ELP2: variants seen among roughly 807,000 people sequenced by gnomAD.
ELP2 encodes the protein elongator acetyltransferase complex subunit 2, also known as elongator complex protein 2.
ELP2 carries 90 observed loss-of-function variants against 119.2 expected under a neutral mutation model. That is an observed-to-expected ratio of 0.75 (90% CI 0.64 to 0.90). The LOEUF (loss-of-function observed/expected upper bound fraction) is 0.90, where lower values mean the gene tolerates loss of function less well. Ranked by LOEUF, ELP2 falls within the 40% of genes least tolerant of loss-of-function variation. The pLI is 0.00. For synonymous variants in ELP2, 339 were observed against 331.0 expected, an observed-to-expected ratio of 1.02 and a Z score of -0.26; for missense variants, 921 against 967.8, an observed-to-expected ratio of 0.95 and a Z score of 0.64.
At chr18:36,164,444 C>T (rs1359338584) in intron 17 of ELP2, 31 bp from the exon 18 acceptor site, 6 of 1,581,994 alleles carry the variant, frequency 3.8e-6, no homozygotes, top group South Asian at 1.1e-5. Context: ...TTTTTACTTA[C>T]TAGCTTCATT....
intron 19 of ELP2, among the ~76,000 whole-genome samples, chr18:36,168,346 C>T (rs1406644352): frequency 6.6e-6 from 1 of 152,212 alleles, no homozygotes; most frequent in Non-Finnish European, 1.5e-5. Flanking sequence ...TTTTGTCCCC[C>T]ACAGTCATAC....
chr18:36,146,474 AGTAGAGGCACT>A, intron 11 of ELP2, 93 bp downstream of exon 11: 1 of 1,373,034 alleles, frequency 7.3e-7, no homozygotes, highest in Non-Finnish European at 1.0e-6. Flanking sequence ...ACAGAAACAT[AGTAGAGGCACT>A]TGAAGTTCAA....
rs1371468990 is a variant in ELP2, at chr18:36,133,317, G to GT, written c.217+2dup. The GT allele has an allele frequency of 1.9e-6, 3 of 1,609,048 alleles. No homozygotes were observed. The highest frequency in any genetic ancestry group is 2.6e-6 in the Non-Finnish European group (3 of 1,175,388). On this transcript the variant is annotated splice_donor_variant, in intron 2 of 21. Transcript: ENST00000358232. LOFTEE classifies it high-confidence loss of function. ...CAGTGGATTTGTAAACAGGATGGCT[G>GT]TAAGTATTAACCAGATTTTAAAGTT... is the stretch of plus-strand genomic sequence containing the variant.
intron 11 of ELP2, among the ~76,000 whole-genome samples, chr18:36,152,857 C>G (rs1377651501): frequency 2.0e-5 from 3 of 152,218 alleles, no homozygotes; most frequent in Admixed American, 6.5e-5. Flanking sequence ...CAAAGGTTCC[C>G]CAGGAAACTG....
At position 36,145,087 on chromosome 18, in the gene ELP2, A is replaced by G. The variant is rs551868941; in HGVS notation, c.892+53A>G. 9 of 1,378,220 alleles carry G rather than the reference A, an allele frequency of 6.5e-6. No individual in the cohort carries two copies. The Admixed American group carries it at 8.4e-5, about 13-fold the overall frequency. 85.4% of individuals were successfully genotyped at this position (1,378,220 alleles called of 1,614,324 possible). On this transcript the variant is annotated intron_variant, in intron 9 of 21. Coordinates refer to ENST00000358232, the MANE Select transcript of ELP2 (RefSeq NM_018255.4). ...TTACTCCAGTTAAATCTTATGGCACAGTAAGCTGACCAAATCAAGTGGAGA... is the reference window on the plus strand; with the variant it reads ...TTACTCCAGTTAAATCTTATGGCACGGTAAGCTGACCAAATCAAGTGGAGA...
chr18:36,153,600 G>A (rs2090471082), intron 11 of ELP2, among the ~76,000 whole-genome samples: 1 of 152,122 alleles, frequency 6.6e-6, no homozygotes, highest in Admixed American at 6.5e-5. Context: ...CCCCAAGACT[G>A]CCCCTACCCC....
At chr18:36,154,815 T>A (rs2144713185) in intron 11 of ELP2, 35 bp from the exon 12 acceptor site, 2 of 1,613,000 alleles carry the variant, frequency 1.2e-6, no homozygotes, top group South Asian at 2.2e-5. Context: ...AGTCTTTGAG[T>A]ATTTTGATAT....
At chr18:36,155,245 T>C (rs2090532253) in intron 12 of ELP2, among the ~76,000 whole-genome samples, 1 of 138,740 alleles carries the variant, frequency 7.2e-6, no homozygotes, top group African/African-American at 2.7e-5. Context: ...ACTCCTGACC[T>C]CAGGTGATGC....
chr18:36,145,890 G>A, intron 9 of ELP2, 58 bp from the exon 10 acceptor site: 2 of 1,411,854 alleles, frequency 1.4e-6, no homozygotes, highest in Non-Finnish European at 2.0e-6. Flanking sequence ...TTTTTTTCTG[G>A]TCATCTACAA....
Position 36,161,007 on chromosome 18 carries a change from AG to A in ELP2, c.1761+6del. The stretch of plus-strand genomic sequence containing the variant: ...CTCTGCTTGCCTCAGCTTGTAAGGT[AG>A]GGAAGTTTACTTTTGATTCTGCTTG... On this transcript the variant is annotated splice_donor_region_variant and intron_variant, in intron 17 of 21. Coordinates refer to ENST00000358232, the MANE Select transcript of ELP2 (RefSeq NM_018255.4). The A allele has an allele frequency of 6.2e-7, 1 of 1,611,408 alleles. No homozygotes were observed. The highest frequency in any genetic ancestry group is 1.3e-5 in the African/African-American group (1 of 74,940).
At position 36,138,427 on chromosome 18, in the gene ELP2, G is replaced by A; in HGVS notation, c.445+1G>A. On this transcript the variant is annotated splice_donor_variant, in intron 4 of 21. Transcript: ENST00000358232. LOFTEE classifies it high-confidence loss of function. ...CTCTGGTCTAAAAAGGGTCCAGAAG[G>A]TAGGTTTGGAGACATGATAATCCAG... is the stretch of plus-strand genomic sequence containing the variant. The A allele has an allele frequency of 6.2e-7, 1 of 1,613,988 alleles. No individual in the cohort carries two copies. Among genetic ancestry groups the A allele is most frequent in the South Asian group, 1.1e-5 (1 of 91,076 alleles).
chr18:36,164,684 T>C lies in ELP2; in HGVS notation c.1954+17T>C. On this transcript the variant is annotated intron_variant, in intron 18 of 21. Coordinates refer to ENST00000358232, the MANE Select transcript of ELP2 (RefSeq NM_018255.4). ...CTGAGTTCGGTAAAACAGCTTCTGA[T>C]TGGGAAAGTTATTAGTGAAACAGTT... 3 of 1,612,118 alleles carry C rather than the reference T, an allele frequency of 1.9e-6. No individual in the cohort carries two copies. The highest frequency in any genetic ancestry group is 2.5e-6 in the Non-Finnish European group (3 of 1,178,342).
At chr18:36,151,973 A>G (rs1016990294) in intron 11 of ELP2, among the ~76,000 whole-genome samples, 1 of 142,050 alleles carries the variant, frequency 7.0e-6, no homozygotes. Context: ...AGGCTGGTCA[A>G]CTCCTGACCG....
In ELP2 at chr18:36,138,809, A is replaced by G. The variant is rs1168739835; in HGVS notation, c.460A>G (p.Thr154Ala). Reference protein sequence around the residue: ...KKGPEVMCLQTLNFGNGFALA... With the variant: ...KKGPEVMCLQALNFGNGFALA... Reference sequence around the variant, plus strand: ...TTATTTCTTAGTAATGTGCCTTCAGACTTTAAACTTTGGAAATGGATTTGC... The same window carrying G: ...TTATTTCTTAGTAATGTGCCTTCAGGCTTTAAACTTTGGAAATGGATTTGC... The change falls in exon 5 of 22, where the codon ACT becomes GCT. Residue 154 changes from threonine (T) to alanine (A), a missense_variant. Coordinates refer to ENST00000358232, the MANE Select transcript of ELP2 (RefSeq NM_018255.4). 2 of 1,613,740 alleles carry G rather than the reference A, an allele frequency of 1.2e-6. No individual in the cohort carries two copies. Among genetic ancestry groups the G allele is most frequent in the African/African-American group, 1.3e-5 (1 of 74,890 alleles).
intron 11 of ELP2, among the ~76,000 whole-genome samples, chr18:36,148,021 G>C (rs10153377): frequency 0.36 from 54,705 of 151,254 alleles, 10,001 homozygotes; most frequent in Middle Eastern, 0.44. Context: ...GAACTGTGTC[G>C]TCTTTGGTTT....
chr18:36,161,925 T>A (rs1318743510), intron 17 of ELP2, among the ~76,000 whole-genome samples: 2 of 152,200 alleles, frequency 1.3e-5, no homozygotes, highest in Non-Finnish European at 2.9e-5. Flanking sequence ...TGTCTGGGCT[T>A]CTACTGAGCA....
chr18:36,159,652 T>C (rs2090671011), intron 14 of ELP2, 83 bp from the exon 15 acceptor site: 2 of 1,013,706 alleles, frequency 2.0e-6, no homozygotes, highest in Non-Finnish European at 3.1e-6. Flanking sequence ...ACCACTGCTT[T>C]CTATGTGGTG....
intron 4 of ELP2, 126 bp downstream of exon 4, chr18:36,138,552 C>A (rs541850490): frequency 2.6e-6 from 3 of 1,142,382 alleles, no homozygotes; most frequent in Non-Finnish European, 2.5e-6. Context: ...TAATTCTAAT[C>A]TAAATTTTTC....
At chr18:36,173,395 T>C (rs684917) in intron 21 of ELP2, among the ~76,000 whole-genome samples, 146,290 of 152,318 alleles carry the variant, frequency 0.96, 70,541 homozygotes, top group East Asian at 1. Flanking sequence ...GCTTGCCATT[T>C]ATATCTATTA....
Sources: gnomAD v4.1 joint callset for allele counts (sites outside exome capture counted in the v4.1 genomes callset) on GRCh38, gnomAD v4.1.1 for gene constraint, MANE v1.5 for transcripts, NCBI Gene and HGNC (gene_info 2026-07-23, HGNC 2026-07-21) for gene names.